Variants in CNTNAP5 observed in about 807,000 individuals in gnomAD.
CNTNAP5 encodes the protein contactin-associated protein-like 5.
Under a neutral mutation model 150.2 loss-of-function variants are expected in CNTNAP5, and 72 were observed. The ratio of observed to expected loss-of-function variants is 0.48; its 90% CI spans 0.40 to 0.58. The LOEUF (loss-of-function observed/expected upper bound fraction) is 0.58, where lower values mean the gene tolerates loss of function less well. Ranked by LOEUF, CNTNAP5 falls within the 20% of genes least tolerant of loss-of-function variation. CNTNAP5 has a pLI of 0.00. For synonymous variants in CNTNAP5, 672 were observed against 619.8 expected (o/e 1.08, Z -1.25); for missense variants, 1,636 against 1,626.2 (o/e 1.01, Z -0.10).
At chr2:124,267,996 T>A (rs1687656046) in intron 3 of CNTNAP5, among the ~76,000 whole-genome samples, 1 of 152,148 alleles carries the variant, frequency 6.6e-6, no homozygotes, top group African/African-American at 2.4e-5. Context: ...CTTATGGTAA[T>A]GTCAGGATCC....
intron 22 of CNTNAP5, among the ~76,000 whole-genome samples, chr2:124,908,508 G>T (rs1360614763): frequency 6.6e-6 from 1 of 152,144 alleles, no homozygotes; most frequent in Non-Finnish European, 1.5e-5. Context: ...CATAGACAGT[G>T]GTCCTATAAG....
chr2:124,685,126 G>C (rs1679161789), intron 13 of CNTNAP5, among the ~76,000 whole-genome samples: 1 of 152,106 alleles, frequency 6.6e-6, no homozygotes, highest in Non-Finnish European at 1.5e-5. Context: ...AAAGGTTGTT[G>C]ATCTTCAAAA....
intron 7 of CNTNAP5, among the ~76,000 whole-genome samples, chr2:124,478,628 T>C (rs1158542955): frequency 6.6e-6 from 1 of 152,128 alleles, no homozygotes; most frequent in Non-Finnish European, 1.5e-5. Flanking sequence ...ACAAACTCTT[T>C]CCTTTCTGTA....
intron 2 of CNTNAP5, among the ~76,000 whole-genome samples, chr2:124,230,501 T>C (rs71412786): frequency 0.29 from 44,024 of 150,338 alleles, 6,581 homozygotes; most frequent in South Asian, 0.47. Flanking sequence ...TTTGTGTGTG[T>C]GTGTGTGTGT....
intron 19 of CNTNAP5, among the ~76,000 whole-genome samples, chr2:124,803,957 A>G (rs1056702710): frequency 8.5e-5 from 13 of 152,126 alleles, no homozygotes; most frequent in African/African-American, 2.7e-4. Flanking sequence ...ATCCTGATAA[A>G]CAGAAGGGGA....
At chr2:124,155,112 G>C (rs908346260) in intron 1 of CNTNAP5, among the ~76,000 whole-genome samples, 4 of 49,128 alleles carry the variant, frequency 8.1e-5, no homozygotes, top group Admixed American at 2.4e-4. Context: ...GGCACTAATT[G>C]TTCCAATTTT....
At chr2:124,559,910 T>G (rs777036490) in intron 10 of CNTNAP5, among the ~76,000 whole-genome samples, 1 of 152,150 alleles carries the variant, frequency 6.6e-6, no homozygotes, top group Non-Finnish European at 1.5e-5. Context: ...TAGTGCTCAT[T>G]TATTATTATT....
intron 12 of CNTNAP5, among the ~76,000 whole-genome samples, chr2:124,617,635 A>G (rs1401233679): frequency 2.0e-5 from 3 of 152,176 alleles, no homozygotes; most frequent in African/African-American, 7.2e-5. Context: ...TACGCCTGTA[A>G]AGAATCTCTT....
chr2:124,585,634 T>G (rs1199699669), intron 11 of CNTNAP5, among the ~76,000 whole-genome samples: 1 of 145,158 alleles, frequency 6.9e-6, no homozygotes, highest in Admixed American at 6.8e-5. Flanking sequence ...AACTTCATTC[T>G]GGCTTAGGGA....
At chr2:124,809,028 C>T (rs1445417364) in intron 19 of CNTNAP5, among the ~76,000 whole-genome samples, 1 of 151,562 alleles carries the variant, frequency 6.6e-6, no homozygotes, top group Non-Finnish European at 1.5e-5. Context: ...CATGGAAGAA[C>T]TGAACAGCCC....
intron 22 of CNTNAP5, among the ~76,000 whole-genome samples, chr2:124,909,845 A>ATATATATATATATATG: frequency 7.1e-6 from 1 of 141,648 alleles, no homozygotes; most frequent in Non-Finnish European, 1.5e-5. Flanking sequence ...ATATATATAT[A>ATATATATATATATATG]TATATATATA....
intron 19 of CNTNAP5, among the ~76,000 whole-genome samples, chr2:124,822,607 A>C (rs1028429546): frequency 2.6e-5 from 4 of 152,196 alleles, no homozygotes; most frequent in African/African-American, 4.8e-5. Flanking sequence ...TAAAGTAAAA[A>C]AACAAGGCTG....
At chr2:124,458,719 A>G (rs1239813412) in intron 6 of CNTNAP5, among the ~76,000 whole-genome samples, 2 of 152,244 alleles carry the variant, frequency 1.3e-5, no homozygotes, top group African/African-American at 2.4e-5. Context: ...ACTTTTATTA[A>G]TAAGTTAAAA....
rs147470711 is a variant in CNTNAP5 at position 124,309,539 on chromosome 2, G to A, written c.381+67146G>A. On this transcript the variant is annotated intron_variant, in intron 3 of 23. Transcript: ENST00000682447. ...TCTTCAAAGCCAGCAGTTACAGTAG[G>A]ATAGGTAGATAATTTCCCAACTTAA... is the stretch of plus-strand genomic sequence containing the variant. Among the ~76,000 whole-genome samples the A allele has an allele frequency of 5.9e-5, 9 of 152,294 alleles. 1 individual carries two copies. The highest frequency in any genetic ancestry group is 2.4e-5 in the African/African-American group (1 of 41,554).
chr2:124,621,367 C>A (rs1368090746), intron 12 of CNTNAP5, among the ~76,000 whole-genome samples: 2 of 152,184 alleles, frequency 1.3e-5, no homozygotes, highest in Admixed American at 1.3e-4. Context: ...TTAGTCAAAT[C>A]TCTAAAGCGA....
At chr2:124,826,355 G>A (rs937302831) in intron 19 of CNTNAP5, among the ~76,000 whole-genome samples, 2 of 151,998 alleles carry the variant, frequency 1.3e-5, no homozygotes, top group African/African-American at 4.8e-5. Flanking sequence ...AATTTTGATT[G>A]AGTAGGCTTA....
chr2:124,340,685 G>A (rs951723740), intron 3 of CNTNAP5, among the ~76,000 whole-genome samples: 1 of 151,698 alleles, frequency 6.6e-6, no homozygotes, highest in Non-Finnish European at 1.5e-5. Flanking sequence ...TTGGGAGCCT[G>A]AGATGGGACG....
intron 10 of CNTNAP5, among the ~76,000 whole-genome samples, chr2:124,546,942 G>A (rs770651969): frequency 1.1e-4 from 17 of 152,246 alleles, no homozygotes; most frequent in Admixed American, 2.0e-4. Context: ...AGTCCAGCAC[G>A]CTGAGTCCAG....
chr2:124,444,321 G>A (rs770263025), intron 5 of CNTNAP5, among the ~76,000 whole-genome samples: 19 of 152,060 alleles, frequency 1.2e-4, no homozygotes, highest in African/African-American at 2.4e-4. Context: ...CTGGCCGGGC[G>A]CAGTGGCTCA....
Sources: gnomAD v4.1 joint callset for allele counts (sites outside exome capture counted in the v4.1 genomes callset) on GRCh38, gnomAD v4.1.1 for gene constraint, MANE v1.5 for transcripts, NCBI Gene and HGNC (gene_info 2026-07-23, HGNC 2026-07-21) for gene names.